Variants in USP39 observed in about 807,000 individuals in gnomAD.
The protein encoded by USP39 is ubiquitin carboxyl-terminal hydrolase 39.
Under a neutral mutation model 66.4 loss-of-function variants are expected in USP39, and 38 were observed. That is an observed-to-expected ratio of 0.57 (90% confidence interval 0.44 to 0.75). The LOEUF is 0.75. Ranked by LOEUF, USP39 falls within the 30% of genes least tolerant of loss-of-function variation. The pLI, the probability that USP39 is intolerant of heterozygous loss-of-function variation, is 0.00. For missense variants in USP39, 608 were observed against 714.4 expected (o/e 0.85, Z 1.70); for synonymous variants, 303 against 274.6 (o/e 1.10, Z -1.02).
At chr2:85,614,121 G>A (rs1359803235), upstream of USP39, among the ~76,000 whole-genome samples, 1 of 152,114 alleles carries the variant, frequency 6.6e-6, no homozygotes. Flanking sequence ...TATGTTACAG[G>A]AAAGGGATCC....
In USP39 at chr2:85,625,637, T is replaced by C. The variant is rs763481819; in HGVS notation, c.669T>C (p.Gly223=). ...RAYDGTTYLP[G]IVGLNNIKAN... ...ATGATGGTACCACTTACCTGCCGGG[T>C]ATTGTGGGACTGAATAACATAAAGG... Residue 223 remains glycine (G), a synonymous_variant, in exon 5 of 13, where the codon GGT becomes GGC. Transcript: ENST00000323701. The C allele has an allele frequency of 6.2e-7, 1 of 1,613,830 alleles. No homozygotes were observed. Among genetic ancestry groups the C allele is most frequent in the South Asian group, 1.1e-5 (1 of 91,062 alleles).
At chr2:85,646,463 C>G (rs1676654628) in intron 11 of USP39, among the ~76,000 whole-genome samples, 2 of 152,158 alleles carry the variant, frequency 1.3e-5, no homozygotes. Context: ...GAGGAGGAGA[C>G]CTAGGCTCAG....
At chr2:85,628,956 T>A (rs540635976) in intron 5 of USP39, among the ~76,000 whole-genome samples, 2 of 152,278 alleles carry the variant, frequency 1.3e-5, no homozygotes, top group East Asian at 3.9e-4. Context: ...GATGACCTTG[T>A]TTAAGAAAGA....
At chr2:85,611,821 G>A, upstream of USP39, 1 of 1,607,272 alleles carries the variant, frequency 6.2e-7, no homozygotes, top group Non-Finnish European at 8.5e-7. Flanking sequence ...GGGACTGTCG[G>A]GCCGGGCCAG....
intron 9 of USP39, among the ~76,000 whole-genome samples, chr2:85,640,602 T>C (rs1676155461): frequency 7.8e-6 from 1 of 128,354 alleles, no homozygotes; most frequent in South Asian, 2.4e-4. Flanking sequence ...TTTCTTTCTT[T>C]ACATATATAT....
At chr2:85,604,335 G>A (rs929759369) in intron 1 of USP39, among the ~76,000 whole-genome samples, 3 of 152,036 alleles carry the variant, frequency 2.0e-5, no homozygotes, top group Non-Finnish European at 4.4e-5. Context: ...TCAGCCTCCC[G>A]AGTAGCTGGG....
intron 1 of USP39, among the ~76,000 whole-genome samples, chr2:85,616,709 A>G (rs1393815975): frequency 1.5e-5 from 2 of 130,960 alleles, no homozygotes; most frequent in African/African-American, 5.8e-5. Context: ...ATGGAGTCTC[A>G]TTCTGTCACC....
chr2:85,611,595 T>C (rs781468048), upstream of USP39: 17 of 1,553,022 alleles, frequency 1.1e-5, no homozygotes, highest in Non-Finnish European at 1.5e-5. Flanking sequence ...GAAGTGGTTT[T>C]TCCCTATAGA....
At chr2:85,621,428 T>C in intron 2 of USP39, 57 bp from the exon 3 acceptor site, 1 of 1,492,866 alleles carries the variant, frequency 6.7e-7, no homozygotes, top group South Asian at 1.1e-5. Flanking sequence ...CACTGCTTCA[T>C]TTGCGTGCCT....
upstream of USP39, chr2:85,612,139 G>T (rs1673595856): frequency 1.1e-6 from 1 of 877,532 alleles, no homozygotes. Context: ...GCAGCGCACG[G>T]AGTTTTCGGG....
At chr2:85,615,431 C>A (rs930525528), upstream of USP39, among the ~76,000 whole-genome samples, 8 of 152,174 alleles carry the variant, frequency 5.3e-5, no homozygotes, top group Admixed American at 4.6e-4. Flanking sequence ...GCTTTATTAG[C>A]TTCATGGTAA....
In USP39 at chr2:85,638,749, T is replaced by C. The variant is rs191719827; in HGVS notation, c.1096-454T>C. On this transcript the variant is annotated intron_variant, in intron 8 of 12. Coordinates refer to ENST00000323701, the MANE Select transcript of USP39 (RefSeq NM_006590.4). ...ACGGGGTTTCTCCGTGTTGGTCACG[T>C]TGGTCTTGGACTCCTGACCTCAGGT... Among the ~76,000 whole-genome samples, 43 of 151,530 alleles carry C rather than the reference T, an allele frequency of 2.8e-4. No individual in the cohort carries two copies. The East Asian group carries it at 8.0e-3, about 28-fold the overall frequency.
chr2:85,629,767 G>T (rs1675183194), intron 5 of USP39, among the ~76,000 whole-genome samples: 1 of 152,092 alleles, frequency 6.6e-6, no homozygotes, highest in Non-Finnish European at 1.5e-5. Context: ...AAAGTGCTGG[G>T]ATTACAGGCA....
At chr2:85,619,685 T>A (rs1674299280) in intron 2 of USP39, among the ~76,000 whole-genome samples, 1 of 151,858 alleles carries the variant, frequency 6.6e-6, no homozygotes, top group Admixed American at 6.6e-5. Context: ...CCAGGTGGCA[T>A]GTAGAATGTT....
At chr2:85,609,932 T>C (rs1220980880), upstream of USP39, among the ~76,000 whole-genome samples, 1 of 151,402 alleles carries the variant, frequency 6.6e-6, no homozygotes, top group Non-Finnish European at 1.5e-5. Context: ...CCACCCACCT[T>C]GGCCTCCCAA....
At chr2:85,614,458 G>A (rs1440863858), upstream of USP39, among the ~76,000 whole-genome samples, 1 of 148,738 alleles carries the variant, frequency 6.7e-6, no homozygotes, top group Non-Finnish European at 1.5e-5. Context: ...AAGTTGCAGT[G>A]AGCCGAGATC....
At chr2:85,619,170 C>G in intron 1 of USP39, 50 bp from the exon 2 acceptor site, 5 of 1,594,846 alleles carry the variant, frequency 3.1e-6, no homozygotes, top group Middle Eastern at 3.3e-4. Flanking sequence ...GTTAGTTGGC[C>G]CTGAGTATAG....
chr2:85,621,902 C>T (rs1035116151), intron 3 of USP39, among the ~76,000 whole-genome samples: 2 of 151,662 alleles, frequency 1.3e-5, no homozygotes, highest in Non-Finnish European at 2.9e-5. Context: ...TCACTGCAAC[C>T]TCCGCCTCCT....
chr2:85,626,367 A>G (rs1674862542), intron 5 of USP39, among the ~76,000 whole-genome samples: 1 of 152,154 alleles, frequency 6.6e-6, no homozygotes, highest in African/African-American at 2.4e-5. Context: ...CGTCTCAAAA[A>G]AAGAAATTAC....
Sources: gnomAD v4.1 joint callset for allele counts (sites outside exome capture counted in the v4.1 genomes callset) on GRCh38, gnomAD v4.1.1 for gene constraint, MANE v1.5 for transcripts, NCBI Gene and HGNC (gene_info 2026-07-23, HGNC 2026-07-21) for gene names.